FAF1: variants seen among roughly 807,000 people sequenced by gnomAD.
The protein encoded by FAF1 is Fas associated factor 1, also known as FAS-associated factor 1.
FAF1 carries 25 observed loss-of-function variants against 92.5 expected under a neutral mutation model. That is an observed-to-expected ratio of 0.27 (90% CI 0.20 to 0.38). The LOEUF (loss-of-function observed/expected upper bound fraction) is 0.38, where lower values mean the gene tolerates loss of function less well. FAF1 is among the 10% of genes least tolerant of loss of function. The probability of loss-of-function intolerance (pLI) is 1.00; values close to 1 mark genes in which losing one functional copy is unlikely to be tolerated. For missense variants in FAF1, 636 were observed against 793.3 expected, an observed-to-expected ratio of 0.80 and a Z score of 2.38; for synonymous variants, 234 against 273.2, an observed-to-expected ratio of 0.86 and a Z score of 1.42.
intron 12 of FAF1, among the ~76,000 whole-genome samples, chr1:50,571,892 G>A (rs1444621503): frequency 6.6e-6 from 1 of 152,144 alleles, no homozygotes; most frequent in Non-Finnish European, 1.5e-5. Context: ...AAAAAGAAAG[G>A]GTTGTATTTT....
chr1:50,854,303 T>C (rs991531208), intron 2 of FAF1, among the ~76,000 whole-genome samples: 1 of 152,010 alleles, frequency 6.6e-6, no homozygotes, highest in African/African-American at 2.4e-5. Context: ...TGGTAAAAGA[T>C]TCTAACTCAC....
At chr1:50,919,430 C>T (rs1013404374) in intron 1 of FAF1, among the ~76,000 whole-genome samples, 3 of 151,620 alleles carry the variant, frequency 2.0e-5, no homozygotes, top group African/African-American at 4.8e-5. Flanking sequence ...CTATATAACA[C>T]GTATAAGTAA....
chr1:50,639,680 A>G (rs1654226529), intron 8 of FAF1, among the ~76,000 whole-genome samples: 1 of 152,050 alleles, frequency 6.6e-6, no homozygotes, highest in Non-Finnish European at 1.5e-5. Context: ...TAACGCCTGT[A>G]ATCCCAGCAC....
At chr1:50,909,830 T>G (rs1644870035) in intron 1 of FAF1, among the ~76,000 whole-genome samples, 1 of 152,218 alleles carries the variant, frequency 6.6e-6, no homozygotes, top group Non-Finnish European at 1.5e-5. Flanking sequence ...AGATCCCCCT[T>G]TAGCTCGGAG....
chr1:50,485,055 G>GT (rs1646747675), intron 17 of FAF1, among the ~76,000 whole-genome samples: 1 of 151,698 alleles, frequency 6.6e-6, no homozygotes, highest in African/African-American at 2.4e-5. Flanking sequence ...GTATACATGT[G>GT]TAACAAACCT....
intron 1 of FAF1, among the ~76,000 whole-genome samples, chr1:50,912,671 C>T (rs1223399699): frequency 1.3e-5 from 2 of 152,154 alleles, no homozygotes; most frequent in African/African-American, 4.8e-5. Flanking sequence ...AAGAAGTTGC[C>T]ACATGACTCT....
intron 6 of FAF1, among the ~76,000 whole-genome samples, chr1:50,721,869 CCACCTTAGCCTCCCAAA>C (rs1193380357): frequency 6.6e-6 from 1 of 152,140 alleles, no homozygotes; most frequent in African/African-American, 2.4e-5. Flanking sequence ...AGCAATCCTT[CCACCTTAGCCTCCCAAA>C]GTGTTGAGAT....
At position 50,908,502 on chromosome 1, in the gene FAF1, C is replaced by T. The variant is rs929131864; in HGVS notation, c.46-50505G>A. On this transcript the variant is annotated intron_variant, in intron 1 of 18. Transcript: ENST00000396153. ...AAGTCTCCCATTATTATTGTTTGGG[C>T]GTCTAAGTCTCTTTGTAGGTTTCTA... Among the ~76,000 whole-genome samples the T allele has an allele frequency of 2.0e-5, 3 of 151,996 alleles. No homozygotes were observed. The East Asian group carries it at 5.8e-4, about 29-fold the overall frequency.
chr1:50,618,787 C>T (rs748729734), intron 8 of FAF1, among the ~76,000 whole-genome samples: 1 of 149,378 alleles, frequency 6.7e-6, no homozygotes, highest in African/African-American at 2.5e-5. Context: ...CTCACTCTGT[C>T]GCCCAGGCTG....
chr1:50,796,947 T>C (rs543531951), intron 3 of FAF1, among the ~76,000 whole-genome samples: 13 of 152,128 alleles, frequency 8.5e-5, no homozygotes, highest in Middle Eastern at 3.4e-3. Flanking sequence ...CTGAGCAACA[T>C]GGCTGGGGCG....
At chr1:50,801,435 C>T (rs1012663308) in intron 3 of FAF1, among the ~76,000 whole-genome samples, 196 bp downstream of exon 3, 2 of 152,052 alleles carry the variant, frequency 1.3e-5, no homozygotes, top group African/African-American at 2.4e-5. Flanking sequence ...ACCAAATATG[C>T]AATAATTTTA....
At chr1:50,734,747 A>G (rs1023215923) in intron 6 of FAF1, among the ~76,000 whole-genome samples, 4 of 151,974 alleles carry the variant, frequency 2.6e-5, no homozygotes, top group African/African-American at 9.7e-5. Flanking sequence ...AAAAAAAAAA[A>G]AGAAAAAGAA....
intron 15 of FAF1, among the ~76,000 whole-genome samples, chr1:50,501,674 AAG>A (rs1646987257): frequency 6.6e-6 from 1 of 151,764 alleles, no homozygotes; most frequent in African/African-American, 2.4e-5. Context: ...AAAAAAAAAA[AAG>A]AAAAGACTAA....
At chr1:50,475,287 G>A (rs2148998990) in intron 18 of FAF1, among the ~76,000 whole-genome samples, 177 bp downstream of exon 18, 1 of 152,278 alleles carries the variant, frequency 6.6e-6, no homozygotes, top group South Asian at 2.1e-4. Context: ...CTGCTGGCCT[G>A]GGAAGCCATA....
intron 4 of FAF1, among the ~76,000 whole-genome samples, chr1:50,773,916 ACAT>A (rs1660861737): frequency 1.3e-5 from 2 of 152,226 alleles, no homozygotes; most frequent in African/African-American, 4.8e-5. Context: ...ATGTATTGAA[ACAT>A]CATATTGTAC....
intron 1 of FAF1, among the ~76,000 whole-genome samples, chr1:50,900,447 A>G (rs1644787361): frequency 6.6e-6 from 1 of 152,110 alleles, no homozygotes; most frequent in Non-Finnish European, 1.5e-5. Flanking sequence ...GTTATGATGG[A>G]TTGATGGACA....
chr1:50,644,550 G>A (rs1654490980), intron 8 of FAF1, among the ~76,000 whole-genome samples: 1 of 152,172 alleles, frequency 6.6e-6, no homozygotes, highest in Non-Finnish European at 1.5e-5. Context: ...TATAGCCGCT[G>A]GAGCCTCCCA....
At chr1:50,649,128 G>A (rs1654740901) in intron 8 of FAF1, among the ~76,000 whole-genome samples, 1 of 151,148 alleles carries the variant, frequency 6.6e-6, no homozygotes, top group South Asian at 2.1e-4. Flanking sequence ...AGGGCTGTGT[G>A]CAGTTTTCAT....
chr1:50,548,581 C>T (rs1036995692), intron 13 of FAF1, among the ~76,000 whole-genome samples: 1 of 152,214 alleles, frequency 6.6e-6, no homozygotes, highest in Non-Finnish European at 1.5e-5. Flanking sequence ...TTACAGTCTT[C>T]AGGGCCCTTT....
Sources: allele counts gnomAD v4.1 joint callset (sites outside exome capture counted in the v4.1 genomes callset), GRCh38; gene constraint gnomAD v4.1.1; transcripts MANE v1.5; gene names NCBI Gene and HGNC (gene_info 2026-07-23, HGNC 2026-07-21).